Variants in KCNJ6 observed in about 807,000 individuals in gnomAD.
KCNJ6 encodes G protein-activated inward rectifier potassium channel 2.
A neutral mutation model predicts 34.2 loss-of-function variants in KCNJ6; 9 were observed. That is an observed-to-expected ratio of 0.26 (90% CI 0.16 to 0.46). KCNJ6 has a LOEUF of 0.46. Among genes scored for constraint, KCNJ6 ranks in the 20% least tolerant of loss-of-function variants. The pLI is 1.00. For missense variants in KCNJ6, 236 were observed against 531.3 expected, an observed-to-expected ratio of 0.44 and a Z score of 5.46; for synonymous variants, 196 against 207.1, an observed-to-expected ratio of 0.95 and a Z score of 0.46.
intron 1 of KCNJ6, among the ~76,000 whole-genome samples, chr21:37,877,451 C>T (rs73423470): frequency 0.021 from 3,256 of 152,226 alleles, 132 homozygotes; most frequent in African/African-American, 0.074. Flanking sequence ...CTGTGAGATG[C>T]TTCTTCCCTC....
intron 1 of KCNJ6, among the ~76,000 whole-genome samples, chr21:37,859,103 T>C (rs1003909690): frequency 2.0e-5 from 3 of 151,930 alleles, no homozygotes; most frequent in African/African-American, 7.3e-5. Context: ...TAAAATATGA[T>C]AAAGAACAAT....
chr21:37,725,421 AG>A (rs1301565409), intron 2 of KCNJ6, among the ~76,000 whole-genome samples: 1 of 152,336 alleles, frequency 6.6e-6, no homozygotes, highest in South Asian at 2.1e-4. Context: ...ACATATAAAA[AG>A]ACTGTCCATC....
At chr21:37,876,810 T>C (rs1333409737) in intron 1 of KCNJ6, among the ~76,000 whole-genome samples, 2 of 152,108 alleles carry the variant, frequency 1.3e-5, no homozygotes, top group South Asian at 2.1e-4. Context: ...GTGGGGATAA[T>C]GTAATACATG....
chr21:37,847,899 G>A (rs2055517576), intron 1 of KCNJ6, among the ~76,000 whole-genome samples: 1 of 152,196 alleles, frequency 6.6e-6, no homozygotes, highest in African/African-American at 2.4e-5. Context: ...AGGTGTGAAG[G>A]AGGGGAAGAA....
chr21:37,861,510 G>A (rs192456443), intron 1 of KCNJ6, among the ~76,000 whole-genome samples: 1 of 152,158 alleles, frequency 6.6e-6, no homozygotes, highest in African/African-American at 2.4e-5. Flanking sequence ...AGGTACTGGG[G>A]GTTAGGACTT....
chr21:37,696,895 CT>C (rs890187495), intron 3 of KCNJ6, among the ~76,000 whole-genome samples: 37 of 152,146 alleles, frequency 2.4e-4, no homozygotes, highest in Admixed American at 7.9e-4. Flanking sequence ...AAGATCATTC[CT>C]TCTGCCCCTA....
At chr21:37,761,227 C>G (rs1472024533) in intron 2 of KCNJ6, among the ~76,000 whole-genome samples, 3 of 146,594 alleles carry the variant, frequency 2.0e-5, no homozygotes, top group Non-Finnish European at 3.0e-5. Context: ...GTGTGCATGT[C>G]TGTGTGTGTG....
chr21:37,782,709 T>C (rs2055175395), intron 2 of KCNJ6, among the ~76,000 whole-genome samples: 1 of 152,212 alleles, frequency 6.6e-6, no homozygotes, highest in Non-Finnish European at 1.5e-5. Flanking sequence ...AGTCAGGCTG[T>C]GGCCCTACTG....
intron 3 of KCNJ6, among the ~76,000 whole-genome samples, chr21:37,671,577 T>C (rs1230193079): frequency 6.6e-6 from 1 of 152,242 alleles, no homozygotes. Context: ...ACTCCCAATT[T>C]ACAGCCAGTT....
chr21:37,767,255 G>A (rs2055095681), intron 2 of KCNJ6, among the ~76,000 whole-genome samples: 1 of 152,200 alleles, frequency 6.6e-6, no homozygotes, highest in African/African-American at 2.4e-5. Flanking sequence ...GCGTCCAGCT[G>A]CCTCGTCCTC....
At chr21:37,864,731 C>T (rs1178031886) in intron 1 of KCNJ6, among the ~76,000 whole-genome samples, 4 of 152,154 alleles carry the variant, frequency 2.6e-5, no homozygotes, top group African/African-American at 9.7e-5. Flanking sequence ...AAACTTATGC[C>T]TTTCCAAAGT....
rs141865897 is a variant in KCNJ6 at position 37,915,029 on chromosome 21, A to G, written c.-28+855T>C. ...CCTCTGTGGCTGTTTCTATTAAGATATATTTTCCCCCTGACAATCTCTCCA... is the reference window on the plus strand; with the variant it reads ...CCTCTGTGGCTGTTTCTATTAAGATGTATTTTCCCCCTGACAATCTCTCCA... On this transcript the variant is annotated intron_variant, in intron 1 of 3. Transcript: ENST00000609713. 8.2e-4 allele frequency among the ~76,000 whole-genome samples: 124 copies of G among 151,750 alleles called. 1 individual carries two copies. The highest frequency in any genetic ancestry group is 1.5e-3 in the Non-Finnish European group (105 of 67,954).
At chr21:37,778,697 G>A (rs968352430) in intron 2 of KCNJ6, among the ~76,000 whole-genome samples, 4 of 53,704 alleles carry the variant, frequency 7.4e-5, no homozygotes, top group South Asian at 5.0e-4. Flanking sequence ...TGCTGTGTGC[G>A]TGTGTGTGTG....
intron 1 of KCNJ6, among the ~76,000 whole-genome samples, chr21:37,841,112 C>T (rs2055478592): frequency 6.6e-6 from 1 of 151,910 alleles, no homozygotes. Context: ...TTGGTTTCCT[C>T]TTTCCAAAAA....
At chr21:37,665,494 A>G (rs1161092017) in intron 3 of KCNJ6, among the ~76,000 whole-genome samples, 4 of 152,246 alleles carry the variant, frequency 2.6e-5, no homozygotes, top group Non-Finnish European at 5.9e-5. Flanking sequence ...AGAAACAGCC[A>G]GATCAGATAG....
At chr21:37,787,011 G>A (rs1293749371) in intron 2 of KCNJ6, among the ~76,000 whole-genome samples, 2 of 152,134 alleles carry the variant, frequency 1.3e-5, no homozygotes, top group African/African-American at 2.4e-5. Flanking sequence ...GCACATAGTA[G>A]GACCTAATAA....
chr21:37,656,962 A>T (rs1235149713), intron 3 of KCNJ6, among the ~76,000 whole-genome samples: 1 of 152,096 alleles, frequency 6.6e-6, no homozygotes, highest in Non-Finnish European at 1.5e-5. Context: ...GTTCCAGGGG[A>T]TGTCAGTGAT....
At chr21:37,774,223 C>T (rs1383009531) in intron 2 of KCNJ6, among the ~76,000 whole-genome samples, 1 of 152,148 alleles carries the variant, frequency 6.6e-6, no homozygotes, top group Non-Finnish European at 1.5e-5. Context: ...CCTCAGTTTC[C>T]TCAGCTGTAA....
At position 37,834,176 on chromosome 21, in the gene KCNJ6, ATCT is replaced by A. The variant is rs145769751; in HGVS notation, c.25+6479_25+6481del. Among the ~76,000 whole-genome samples the A allele has an allele frequency of 1.6e-4, 25 of 152,316 alleles. No individual in the cohort carries two copies. The East Asian group carries it at 1.7e-3, about 11-fold the overall frequency. On this transcript the variant is annotated intron_variant, in intron 2 of 3. Transcript: ENST00000609713. ...TCAGTGGATTCCTTCTAAAATGCTG[ATCT>A]TCTTTGAAACCTTCAGCACTGCCCC...
Sources: allele counts gnomAD v4.1 joint callset (sites outside exome capture counted in the v4.1 genomes callset), GRCh38; gene constraint gnomAD v4.1.1; transcripts MANE v1.5; gene names NCBI Gene and HGNC (gene_info 2026-07-23, HGNC 2026-07-21).